The following CSF3R variants were observed in gnomAD, a reference collection of about 807,000 sequenced individuals.
The protein encoded by CSF3R is granulocyte colony-stimulating factor receptor.
Under a neutral mutation model 84.4 loss-of-function variants are expected in CSF3R, and 52 were observed. The ratio of observed to expected loss-of-function variants is 0.62; its 90% confidence interval spans 0.49 to 0.78. The LOEUF (loss-of-function observed/expected upper bound fraction) is 0.78, where lower values mean the gene tolerates loss of function less well. CSF3R is among the 30% of genes least tolerant of loss of function. CSF3R has a pLI of 0.00. For missense variants in CSF3R, 890 were observed against 1,055.7 expected, an observed-to-expected ratio of 0.84 and a Z score of 2.17; for synonymous variants, 384 against 429.1, an observed-to-expected ratio of 0.89 and a Z score of 1.30.
rs774355214 is a variant in CSF3R, at chr1:36,466,107, A to G, written c.*250T>C. The G allele has an allele frequency of 3.7e-6, 6 of 1,614,186 alleles. No homozygotes were observed. Among genetic ancestry groups the G allele is most frequent in the Non-Finnish European group, 5.1e-6 (6 of 1,180,030 alleles). ...AACCAAAAACTAGTTTACAATACTG[A>G]AGTTATAGGAAACAAGCACAAAAGG... is the stretch of plus-strand genomic sequence containing the variant. On this transcript the variant is annotated 3_prime_UTR_variant, in exon 17 of 17. Transcript: ENST00000373106. This position sits in a 1 kb window ranked among gnomAD's most constrained non-coding sequence, Gnocchi z 4.6.
chr1:36,466,506 C>T lies in CSF3R; in HGVS notation c.2362G>A (p.Glu788Lys), dbSNP rs1156482840. 1 of 1,610,866 alleles carries T rather than the reference C, an allele frequency of 6.2e-7. No individual in the cohort carries two copies. Among genetic ancestry groups the T allele is most frequent in the Non-Finnish European group, 8.5e-7 (1 of 1,178,270 alleles). The stretch of plus-strand genomic sequence containing the variant: ...GGGCTGGCCTGGAACCAGAGGTTCT[C>T]ATAGGACTTGGGGCTGGGGGTGAGG... ...AGLTPSPKSY[E>K]NLWFQASPLG... Residue 788 changes from glutamate to lysine, a missense_variant, in exon 17 of 17, where the codon GAG (glutamate) becomes AAG (lysine). Physicochemically the swap from Glu to Lys is moderately conservative, Grantham distance 56 (BLOSUM62 1). Coordinates refer to ENST00000373106, the MANE Select transcript of CSF3R (RefSeq NM_000760.4). This position sits in a 1 kb window ranked among gnomAD's most constrained non-coding sequence, Gnocchi z 4.6.
At position 36,468,181 on chromosome 1, in the gene CSF3R, G is replaced by T; in HGVS notation, c.1617C>A (p.Gly539=). The T allele has an allele frequency of 6.2e-7, 1 of 1,610,410 alleles. No individual in the cohort carries two copies. The highest frequency in any genetic ancestry group is 8.5e-7 in the Non-Finnish European group (1 of 1,178,024). The part of the protein sequence containing the change: ...HAPELHLKHI[G]KTWAQLEWVP... The stretch of plus-strand genomic sequence containing the variant: ...CCCACTCCAGCTGTGCCCAGGTCTT[G>T]CCAATGTGCTTTAGATGCAGCTCTG... The change falls in exon 13 of 17, where the codon GGC becomes GGA. Residue 539 remains glycine, a synonymous_variant. Coordinates refer to ENST00000373106, the MANE Select transcript of CSF3R (RefSeq NM_000760.4).
chr1:36,476,011 G>A (rs1014938499), intron 3 of CSF3R: 22 of 252,472 alleles, frequency 8.7e-5, no homozygotes, highest in African/African-American at 4.2e-4. Context: ...GAAGAGATGT[G>A]CACAATTAGT....
In CSF3R at chr1:36,472,260, C is replaced by A; in HGVS notation, c.975G>T (p.Leu325=). The A allele has an allele frequency of 6.2e-7, 1 of 1,614,236 alleles. No individual in the cohort carries two copies. Among genetic ancestry groups the A allele is most frequent in the East Asian group, 2.2e-5 (1 of 44,876 alleles). Reference sequence around the variant, plus strand: ...TACCCCGTTCGGTAGTTCTCAGCTCCAGGCTGGGGCTCCAGTCGCTCCAGT... The same window carrying A: ...TACCCCGTTCGGTAGTTCTCAGCTCAAGGCTGGGGCTCCAGTCGCTCCAGT... ...PGHWSDWSPS[L]ELRTTERAPT... Residue 325 remains leucine, a synonymous_variant, in exon 8 of 17, where the codon CTG becomes CTT. Coordinates refer to ENST00000373106, the MANE Select transcript of CSF3R (RefSeq NM_000760.4). This position sits in a 1 kb window ranked among gnomAD's most constrained non-coding sequence, Gnocchi z 5.0.
At position 36,466,216 on chromosome 1, in the gene CSF3R, GGA is replaced by G; in HGVS notation, c.*139_*140del. The stretch of plus-strand genomic sequence containing the variant: ...GAGGCCCAGCCTATGGAGATTGGGA[GGA>G]GAGGGAGATGCTGGTGACTGGAGAT... On this transcript the variant is annotated 3_prime_UTR_variant, in exon 17 of 17. Coordinates refer to ENST00000373106, the MANE Select transcript of CSF3R (RefSeq NM_000760.4). The surrounding 1 kb of genome is among the most constrained non-coding windows in gnomAD (Gnocchi z 4.6). 6.2e-7 allele frequency: 1 copy of G among 1,614,210 alleles called. No homozygotes were observed. Among genetic ancestry groups the G allele is most frequent in the Admixed American group, 1.7e-5 (1 of 60,032 alleles).
chr1:36,470,808 AGTGT>A (rs139134824), intron 10 of CSF3R, among the ~76,000 whole-genome samples: 7 of 151,648 alleles, frequency 4.6e-5, no homozygotes, highest in Admixed American at 6.6e-5. Flanking sequence ...ATGGGCTGTG[AGTGT>A]GTGTGTGTGT....
At chr1:36,483,151 G>C (rs1651641265), upstream of CSF3R, 2 of 152,262 alleles carry the variant, frequency 1.3e-5, no homozygotes, top group Non-Finnish European at 2.9e-5. Context: ...TGAGCTCAAA[G>C]CTTTGAGGCT....
Position 36,471,796 on chromosome 1 carries a change from C to G in CSF3R, c.1072-150G>C, listed in dbSNP as rs554711182. The G allele has an allele frequency of 5.6e-4, 444 of 799,924 alleles. 1 individual carries two copies. The highest frequency in any genetic ancestry group is 8.0e-4 in the Non-Finnish European group (399 of 499,958). The allele number at this position is 799,924 out of a possible 1,614,324, so 49.6% of individuals were successfully genotyped here. On this transcript the variant is annotated intron_variant, in intron 9 of 16. Coordinates refer to ENST00000373106, the MANE Select transcript of CSF3R (RefSeq NM_000760.4). ...CCCCCCTCCCCTTTTCCCTCTGTTC[C>G]CTTGTGCTAGGTTCTAGGAAGGAGG...
At position 36,472,274 on chromosome 1, in the gene CSF3R, A is replaced by G; in HGVS notation, c.961T>C (p.Trp321Arg). The change falls in exon 8 of 17, where the codon TGG becomes CGG. Residue 321 changes from tryptophan to arginine, a missense_variant. Physicochemically the swap from Trp to Arg is moderately radical, Grantham distance 101 (BLOSUM62 -3). Coordinates refer to ENST00000373106, the MANE Select transcript of CSF3R (RefSeq NM_000760.4). This position sits in a 1 kb window ranked among gnomAD's most constrained non-coding sequence, Gnocchi z 5.0. The stretch of plus-strand genomic sequence containing the variant: ...GTTCTCAGCTCCAGGCTGGGGCTCC[A>G]GTCGCTCCAGTGGCCAGGCAGGGGC... Reference protein sequence around the residue: ...RWPLPGHWSDWSPSLELRTTE... With the variant: ...RWPLPGHWSDRSPSLELRTTE... 6.2e-7 allele frequency: 1 copy of G among 1,614,196 alleles called. No homozygotes were observed. Among genetic ancestry groups the G allele is most frequent in the Non-Finnish European group, 8.5e-7 (1 of 1,180,036 alleles).
chr1:36,467,177 T>C lies in CSF3R; in HGVS notation c.2040+53A>G. 3 of 1,587,150 alleles carry C rather than the reference T, an allele frequency of 1.9e-6. No homozygotes were observed. Among genetic ancestry groups the C allele is most frequent in the Non-Finnish European group, 2.6e-6 (3 of 1,155,426 alleles). Reference sequence around the variant, plus strand: ...TTGGCTTCAGAAGGTGTCCCTTCACTGAGCCTGGGCCGACATCCCCATCTC... The same window carrying C: ...TTGGCTTCAGAAGGTGTCCCTTCACCGAGCCTGGGCCGACATCCCCATCTC... On this transcript the variant is annotated intron_variant, in intron 16 of 16. Transcript: ENST00000373106. The surrounding 1 kb of genome is among the most constrained non-coding windows in gnomAD (Gnocchi z 4.1).
chr1:36,478,585 T>C (rs1463130999), intron 3 of CSF3R, among the ~76,000 whole-genome samples: 1 of 151,516 alleles, frequency 6.6e-6, no homozygotes, highest in Non-Finnish European at 1.5e-5. Flanking sequence ...TGGCGGGTCA[T>C]GCTTGTAATC....
chr1:36,467,555 C>T lies in CSF3R; in HGVS notation c.1958+3G>A. ...GGATCTCAGGTCTCTCAAAGGGACT[C>T]ACTTGGGGCTGCAACAGAGCCAGGC... is the stretch of plus-strand genomic sequence containing the variant. On this transcript the variant is annotated splice_donor_region_variant and intron_variant, in intron 15 of 16. Coordinates refer to ENST00000373106, the MANE Select transcript of CSF3R (RefSeq NM_000760.4). This position sits in a 1 kb window ranked among gnomAD's most constrained non-coding sequence, Gnocchi z 4.1. The T allele has an allele frequency of 2.5e-6, 4 of 1,613,834 alleles. No individual in the cohort carries two copies. The highest frequency in any genetic ancestry group is 2.5e-6 in the Non-Finnish European group (3 of 1,179,820).
intron 3 of CSF3R, 167 bp downstream of exon 3, chr1:36,479,265 TG>T: frequency 4.1e-6 from 3 of 736,274 alleles, no homozygotes; most frequent in Non-Finnish European, 7.3e-6. Flanking sequence ...GGTTTGCCTG[TG>T]GAAGTCTGTG....
chr1:36,466,701 G>A lies in CSF3R; in HGVS notation c.2167C>T (p.Leu723=), dbSNP rs766343562. The change falls in exon 17 of 17, where the codon CTG becomes TTG. Residue 723 remains leucine, a synonymous_variant. Coordinates refer to ENST00000373106, the MANE Select transcript of CSF3R (RefSeq NM_000760.4). The surrounding 1 kb of genome is among the most constrained non-coding windows in gnomAD (Gnocchi z 4.6). ...NSSETCGLPT[L]VQTYVLQGDP... ...CCCTGGAGCACATAGGTCTGGACCAGAGTGGGGAGGCCACAGGTCTCTGAG... is the reference window on the plus strand; with the variant it reads ...CCCTGGAGCACATAGGTCTGGACCAAAGTGGGGAGGCCACAGGTCTCTGAG... 1 of 1,614,226 alleles carries A rather than the reference G, an allele frequency of 6.2e-7. No homozygotes were observed. Among genetic ancestry groups the A allele is most frequent in the Non-Finnish European group, 8.5e-7 (1 of 1,180,034 alleles).
chr1:36,471,763 G>A (rs375026304), intron 9 of CSF3R, 117 bp from the exon 10 acceptor site: 1 of 1,007,576 alleles, frequency 9.9e-7, no homozygotes, highest in Non-Finnish European at 1.5e-6. Flanking sequence ...TGGGGTCCAG[G>A]CTTCTCACCC....
intron 4 of CSF3R, among the ~76,000 whole-genome samples, chr1:36,474,142 C>T (rs3917965): frequency 0.024 from 3,702 of 152,302 alleles, 121 homozygotes; most frequent in African/African-American, 0.08. Context: ...CAACTCTAGA[C>T]CCTTTGTCAG....
chr1:36,466,444 C>T lies in CSF3R; in HGVS notation c.2424G>A (p.Glu808=), dbSNP rs1411575698. ...GTLVTPAPSQ[E]DDCVFGPLLN... is the part of the protein sequence containing the mutation. ...GCAGTGGCCCAAAGACACAGTCGTC[C>T]TCCTGGCTTGGGGCTGGGGTTACCA... Residue 808 remains glutamate, a synonymous_variant, in exon 17 of 17, where the codon GAG becomes GAA. Transcript: ENST00000373106. This position sits in a 1 kb window ranked among gnomAD's most constrained non-coding sequence, Gnocchi z 4.6. 6.2e-6 allele frequency: 10 copies of T among 1,613,266 alleles called. No homozygotes were observed. The highest frequency in any genetic ancestry group is 8.5e-6 in the Non-Finnish European group (10 of 1,179,814).
intron 5 of CSF3R, 30 bp from the exon 6 acceptor site, chr1:36,473,652 C>T: frequency 1.2e-6 from 2 of 1,613,960 alleles, no homozygotes; most frequent in Middle Eastern, 1.6e-4. Context: ...GGGTGCCAAG[C>T]AGAGGAAGAA....
At chr1:36,475,991 G>A (rs933959584) in intron 3 of CSF3R, 5 of 294,354 alleles carry the variant, frequency 1.7e-5, no homozygotes, top group Non-Finnish European at 2.6e-5. Flanking sequence ...ATCATTGATC[G>A]GGGAGTTGGG....
Sources: gnomAD v4.1 joint callset for allele counts (sites outside exome capture counted in the v4.1 genomes callset) on GRCh38, gnomAD v4.1.1 for gene constraint, Gnocchi (gnomAD v3.1) non-coding constraint, MANE v1.5 for transcripts, NCBI Gene and HGNC (gene_info 2026-07-23, HGNC 2026-07-21) for gene names.